Variants in COL14A1 observed in about 807,000 individuals in gnomAD.
COL14A1 encodes collagen alpha-1(XIV) chain.
A neutral mutation model predicts 230.3 loss-of-function variants in COL14A1; 136 were observed. That is an observed-to-expected ratio of 0.59 (90% CI 0.51 to 0.68). The LOEUF is 0.68. Ranked by LOEUF, COL14A1 falls within the 30% of genes least tolerant of loss-of-function variation. The probability of loss-of-function intolerance (pLI) is 0.00; values close to 1 mark genes in which losing one functional copy is unlikely to be tolerated. For synonymous variants in COL14A1, 792 were observed against 784.1 expected (o/e 1.01, Z -0.17); for missense variants, 1,976 against 2,215.8 (o/e 0.89, Z 2.17).
At chr8:120,335,033 T>C (rs1822004696) in intron 42 of COL14A1, among the ~76,000 whole-genome samples, 1 of 152,162 alleles carries the variant, frequency 6.6e-6, no homozygotes, top group Non-Finnish European at 1.5e-5. Context: ...TAGTTTCTCC[T>C]AACCCAGGCT....
chr8:120,131,724 A>T (rs1016654243), intron 1 of COL14A1, among the ~76,000 whole-genome samples: 2 of 150,932 alleles, frequency 1.3e-5, no homozygotes, highest in Non-Finnish European at 1.5e-5. Flanking sequence ...ATTAGATCCC[A>T]CTTGTCAATT....
rs116838830 is a variant in COL14A1, at chr8:120,344,085, T to A, written c.4889-1290T>A. Reference sequence around the variant, plus strand: ...GTGATTGACTTCTAGGAAGTAGAAGTCATCAAGGGATTGGTTACACAGTAA... The same window carrying A: ...GTGATTGACTTCTAGGAAGTAGAAGACATCAAGGGATTGGTTACACAGTAA... On this transcript the variant is annotated intron_variant, in intron 44 of 47. Coordinates refer to ENST00000297848, the MANE Select transcript of COL14A1 (RefSeq NM_021110.4). 2.0e-3 allele frequency among the ~76,000 whole-genome samples: 297 copies of A among 152,286 alleles called. 1 individual carries two copies. Among genetic ancestry groups the A allele is most frequent in the African/African-American group, 6.9e-3 (285 of 41,558 alleles).
chr8:120,263,315 G>T (rs1396987328), intron 24 of COL14A1, among the ~76,000 whole-genome samples: 1 of 152,176 alleles, frequency 6.6e-6, no homozygotes, highest in Non-Finnish European at 1.5e-5. Flanking sequence ...AGGAACATTT[G>T]TGGCATGTGG....
chr8:120,345,052 T>C (rs1422291746), intron 44 of COL14A1, among the ~76,000 whole-genome samples: 1 of 152,026 alleles, frequency 6.6e-6, no homozygotes, highest in East Asian at 1.9e-4. Flanking sequence ...GGCAGCTGGG[T>C]GAGGGTCTAG....
At chr8:120,197,123 A>G (rs542680881) in intron 6 of COL14A1, among the ~76,000 whole-genome samples, 177 bp downstream of exon 6, 17 of 152,284 alleles carry the variant, frequency 1.1e-4, no homozygotes, top group African/African-American at 2.9e-4. Flanking sequence ...AATTTTTGCA[A>G]TGACACTGTC....
At chr8:120,134,992 A>G (rs772433632) in intron 1 of COL14A1, among the ~76,000 whole-genome samples, 5 of 152,174 alleles carry the variant, frequency 3.3e-5, no homozygotes, top group Non-Finnish European at 5.9e-5. Context: ...AAACAAACAA[A>G]CAAACAAAAA....
chr8:120,197,669 A>G, intron 6 of COL14A1, 142 bp from the exon 7 acceptor site: 3 of 729,914 alleles, frequency 4.1e-6, no homozygotes, highest in Non-Finnish European at 6.5e-6. Context: ...TACTCAGCAA[A>G]TCTTTTTGAA....
At chr8:120,181,136 A>G (rs1318061211) in intron 5 of COL14A1, among the ~76,000 whole-genome samples, 1 of 152,228 alleles carries the variant, frequency 6.6e-6, no homozygotes, top group Non-Finnish European at 1.5e-5. Context: ...TGGCCACACC[A>G]GGAGCTGCAA....
At chr8:120,331,372 T>G (rs1821858827) in intron 40 of COL14A1, among the ~76,000 whole-genome samples, 1 of 152,330 alleles carries the variant, frequency 6.6e-6, no homozygotes. Context: ...AAATTCAGAT[T>G]GAAGATTCTC....
rs565660131 is a variant in COL14A1 at position 120,128,622 on chromosome 8, A to C, written c.-38+3282A>C. ...TGGTGGTGGGCACCTGTAATCCTAG[A>C]TACTTGGGAGGCTGAGGCGGGCATT... On this transcript the variant is annotated intron_variant, in intron 1 of 47. Coordinates refer to ENST00000297848, the MANE Select transcript of COL14A1 (RefSeq NM_021110.4). Among the ~76,000 whole-genome samples the C allele has an allele frequency of 3.9e-5, 6 of 152,200 alleles. 1 individual carries two copies. In the South Asian group the frequency reaches 1.0e-3, roughly 26 times the overall value.
intron 32 of COL14A1, among the ~76,000 whole-genome samples, chr8:120,285,647 C>A (rs1820170324): frequency 6.6e-6 from 1 of 151,970 alleles, no homozygotes; most frequent in Admixed American, 6.6e-5. Flanking sequence ...GGAGTCTTTG[C>A]CTCACTGTCA....
chr8:120,191,361 G>A (rs1816817659), intron 5 of COL14A1, among the ~76,000 whole-genome samples: 1 of 152,220 alleles, frequency 6.6e-6, no homozygotes, highest in Non-Finnish European at 1.5e-5. Flanking sequence ...AATTTTGAGT[G>A]AGTTTCTTAA....
At chr8:120,153,157 G>GA (rs920255954) in intron 2 of COL14A1, among the ~76,000 whole-genome samples, 15 of 152,002 alleles carry the variant, frequency 9.9e-5, no homozygotes, top group Admixed American at 6.5e-4. Flanking sequence ...ACATTTAACT[G>GA]AAAAAAATGA....
At chr8:120,254,533 C>T (rs1819076144) in intron 22 of COL14A1, among the ~76,000 whole-genome samples, 1 of 151,984 alleles carries the variant, frequency 6.6e-6, no homozygotes, top group Admixed American at 6.6e-5. Flanking sequence ...TAAATACATA[C>T]TGTATTTACT....
At chr8:120,343,943 G>C (rs998706625) in intron 44 of COL14A1, among the ~76,000 whole-genome samples, 3 of 152,064 alleles carry the variant, frequency 2.0e-5, no homozygotes, top group Admixed American at 1.3e-4. Context: ...CACAATACTT[G>C]CTGTCTTATT....
intron 11 of COL14A1, among the ~76,000 whole-genome samples, chr8:120,208,928 C>T (rs923312209): frequency 6.6e-6 from 1 of 152,082 alleles, no homozygotes; most frequent in African/African-American, 2.4e-5. Context: ...ATCTTATAGT[C>T]ATTTCTAATA....
chr8:120,286,259 G>A (rs1820199630), intron 33 of COL14A1, among the ~76,000 whole-genome samples: 1 of 151,940 alleles, frequency 6.6e-6, no homozygotes, highest in Non-Finnish European at 1.5e-5. Context: ...GTGGACAGTT[G>A]CTCATTTGCT....
rs1203131557 is a variant in COL14A1, at chr8:120,262,996, A to G, written c.2998A>G (p.Ser1000Gly). Reference sequence around the variant, plus strand: ...CCAGGAGATTGAAGGACCTAGTGTGAGCATAATGGAAAAAACACGTAAGTC... The same window carrying G: ...CCAGGAGATTGAAGGACCTAGTGTGGGCATAATGGAAAAAACACGTAAGTC... ...KLQEIEGPSV[S>G]IMEKTQSLPT... Residue 1000 changes from serine to glycine, a missense_variant, in exon 24 of 48, where the codon AGC (serine) becomes GGC (glycine). This residue lies in a region of COL14A1 where 1,791 missense variants were observed against 2,019.5 expected (regional missense o/e 0.89). Transcript: ENST00000297848. 1.2e-6 allele frequency: 2 copies of G among 1,606,458 alleles called. No homozygotes were observed. Among genetic ancestry groups the G allele is most frequent in the African/African-American group, 1.3e-5 (1 of 74,446 alleles).
rs1563623808 is a variant in COL14A1, at chr8:120,126,556, G to A, written c.-38+1216G>A. 2.6e-5 allele frequency among the ~76,000 whole-genome samples: 4 copies of A among 152,354 alleles called. No individual in the cohort carries two copies. In the South Asian group the frequency reaches 8.3e-4, roughly 32 times the overall value. ...TGGGAGTAAGTCTTTGGTGGCTGTG[G>A]AGAGGAGAGCAGAAATGAAAATGGA... is the stretch of plus-strand genomic sequence containing the variant. On this transcript the variant is annotated intron_variant, in intron 1 of 47. Transcript: ENST00000297848.
Sources: gnomAD v4.1 joint callset for allele counts (sites outside exome capture counted in the v4.1 genomes callset) on GRCh38, gnomAD v4.1.1 for gene constraint, gnomAD v4.1.1 regional missense constraint, MANE v1.5 for transcripts, NCBI Gene and HGNC (gene_info 2026-07-23, HGNC 2026-07-21) for gene names.